The following BFSP2 variants were observed in gnomAD, a reference collection of about 807,000 sequenced individuals.
BFSP2 encodes phakinin.
A neutral mutation model predicts 44.9 loss-of-function variants in BFSP2; 38 were observed. The ratio of observed to expected loss-of-function variants is 0.85; its 90% CI spans 0.65 to 1.11. The LOEUF (loss-of-function observed/expected upper bound fraction) is 1.11, where lower values mean the gene tolerates loss of function less well. Among genes scored for constraint, BFSP2 ranks in the 50% least tolerant of loss-of-function variants. The pLI, the probability that BFSP2 is intolerant of heterozygous loss-of-function variation, is 0.00. For synonymous variants in BFSP2, 197 were observed against 209.9 expected, an observed-to-expected ratio of 0.94 and a Z score of 0.53; for missense variants, 525 against 533.0, an observed-to-expected ratio of 0.99 and a Z score of 0.15.
intron 4 of BFSP2, among the ~76,000 whole-genome samples, chr3:133,464,978 A>G (rs542256726): frequency 1.3e-5 from 2 of 149,910 alleles, no homozygotes; most frequent in South Asian, 2.1e-4. Flanking sequence ...CTACTGAGCT[A>G]TGAGCCACTT....
intron 1 of BFSP2, among the ~76,000 whole-genome samples, chr3:133,430,017 G>T: frequency 6.7e-6 from 1 of 149,648 alleles, no homozygotes; most frequent in Non-Finnish European, 1.5e-5. Context: ...TTGGTTTTTT[G>T]TCCTTGTGAT....
chr3:133,427,402 T>C (rs2073663740), intron 1 of BFSP2, among the ~76,000 whole-genome samples: 1 of 152,224 alleles, frequency 6.6e-6, no homozygotes, highest in Non-Finnish European at 1.5e-5. Flanking sequence ...AGCTCAGCAG[T>C]GATAAATACG....
At chr3:133,471,245 C>A (rs2074158994) in intron 5 of BFSP2, among the ~76,000 whole-genome samples, 1 of 152,104 alleles carries the variant, frequency 6.6e-6, no homozygotes, top group African/African-American at 2.4e-5. Flanking sequence ...GGGAGATGAG[C>A]TAAGAGGCCA....
chr3:133,414,649 G>C (rs193204202), intron 1 of BFSP2, among the ~76,000 whole-genome samples: 8 of 41,802 alleles, frequency 1.9e-4, no homozygotes, highest in Non-Finnish European at 3.0e-4. Flanking sequence ...TCTACTCACC[G>C]CTGTCTCACT....
At chr3:133,441,812 G>A (rs2073847848) in intron 1 of BFSP2, among the ~76,000 whole-genome samples, 1 of 152,186 alleles carries the variant, frequency 6.6e-6, no homozygotes. Flanking sequence ...GATAATACAA[G>A]CTTTGGTAAG....
At chr3:133,402,271 G>C (rs1279548721) in intron 1 of BFSP2, among the ~76,000 whole-genome samples, 1 of 152,216 alleles carries the variant, frequency 6.6e-6, no homozygotes, top group African/African-American at 2.4e-5. Flanking sequence ...ATACTGACTT[G>C]TTCTGGCTCC....
At chr3:133,467,085 G>A in intron 5 of BFSP2, 126 bp downstream of exon 5, 2 of 1,334,712 alleles carry the variant, frequency 1.5e-6, no homozygotes, top group Non-Finnish European at 2.1e-6. Context: ...TTTGAGGCCT[G>A]AAATGTCTTC....
Position 133,475,165 on chromosome 3 carries a change from C to A in BFSP2, c.*193C>A. On this transcript the variant is annotated 3_prime_UTR_variant, in exon 7 of 7. Transcript: ENST00000302334. ...CTGAGTAGTCTGTAGCTTGAGCAAT[C>A]TCCCTTGTCCTCCTTCAAATAAATG... is the stretch of plus-strand genomic sequence containing the variant. 1.4e-6 allele frequency: 1 copy of A among 718,342 alleles called. No homozygotes were observed. The highest frequency in any genetic ancestry group is 2.4e-6 in the Non-Finnish European group (1 of 423,542). 44.5% of individuals were successfully genotyped at this position (718,342 alleles called of 1,614,324 possible).
chr3:133,472,405 A>C lies in BFSP2; in HGVS notation c.1084A>C (p.Asn362His). 6.2e-7 allele frequency: 1 copy of C among 1,614,130 alleles called. No individual in the cohort carries two copies. Among genetic ancestry groups the C allele is most frequent in the Non-Finnish European group, 8.5e-7 (1 of 1,179,998 alleles). The change falls in exon 6 of 7, where the codon AAC (asparagine) becomes CAC (histidine). Residue 362 changes from asparagine to histidine, a missense_variant. Transcript: ENST00000302334. ...GCACTGGCATGACATGGAGCTCCAG[A>C]ACCTGGGCGCTGTGGTCGGCCGGCT... ...AKHWHDMELQ[N>H]LGAVVGRLEA...
intron 1 of BFSP2, among the ~76,000 whole-genome samples, chr3:133,439,948 G>A (rs1277858177): frequency 6.6e-6 from 1 of 151,440 alleles, no homozygotes; most frequent in Non-Finnish European, 1.5e-5. Context: ...GAGAGAGAAA[G>A]CAATGTCACA....
chr3:133,432,606 TG>T (rs1312085590), intron 1 of BFSP2, among the ~76,000 whole-genome samples: 1 of 152,146 alleles, frequency 6.6e-6, no homozygotes, highest in Non-Finnish European at 1.5e-5. Context: ...GCCCCTCCTT[TG>T]AATCTTCTCA....
At chr3:133,449,951 GA>G in intron 3 of BFSP2, among the ~76,000 whole-genome samples, 1 of 102,468 alleles carries the variant, frequency 9.8e-6, no homozygotes, top group Non-Finnish European at 1.9e-5. Flanking sequence ...AAGAGAGAAA[GA>G]GAGAGAGAAA....
intron 5 of BFSP2, among the ~76,000 whole-genome samples, chr3:133,468,107 A>C (rs1445288627): frequency 6.6e-6 from 1 of 152,214 alleles, no homozygotes; most frequent in Non-Finnish European, 1.5e-5. Context: ...TTATTTTGAG[A>C]ACTTGCTATG....
In BFSP2 at chr3:133,472,371, C is replaced by T. The variant is rs1380618813; in HGVS notation, c.1050C>T (p.His350=). ...ALKRGLENTL[H]DAKHWHDMEL... is the part of the protein sequence containing the mutation. ...AACGAGGCCTGGAGAACACCTTGCA[C>T]GATGCCAAGCACTGGCATGACATGG... Residue 350 remains histidine (H), a synonymous_variant, in exon 6 of 7, where the codon CAC becomes CAT. Coordinates refer to ENST00000302334, the MANE Select transcript of BFSP2 (RefSeq NM_003571.4). 7 of 1,613,384 alleles carry T rather than the reference C, an allele frequency of 4.3e-6. No homozygotes were observed. The highest frequency in any genetic ancestry group is 5.9e-6 in the Non-Finnish European group (7 of 1,180,002).
At chr3:133,452,456 C>T (rs2737715) in intron 4 of BFSP2, among the ~76,000 whole-genome samples, 1 of 152,140 alleles carries the variant, frequency 6.6e-6, no homozygotes, top group East Asian at 1.9e-4. Flanking sequence ...ATGACTTCCC[C>T]TCGCCCCACC....
At chr3:133,470,452 G>T (rs2074151906) in intron 5 of BFSP2, among the ~76,000 whole-genome samples, 1 of 152,126 alleles carries the variant, frequency 6.6e-6, no homozygotes, top group Admixed American at 6.5e-5. Context: ...TTTGTTTTTT[G>T]TGTGTTATAT....
intron 4 of BFSP2, among the ~76,000 whole-genome samples, chr3:133,465,988 C>T (rs2074105538): frequency 6.6e-6 from 1 of 152,146 alleles, no homozygotes; most frequent in South Asian, 2.1e-4. Flanking sequence ...TGCAGCCCTT[C>T]CAAACAAGAC....
intron 4 of BFSP2, among the ~76,000 whole-genome samples, chr3:133,457,610 C>T (rs987600054): frequency 4.6e-5 from 7 of 152,128 alleles, no homozygotes; most frequent in African/African-American, 1.7e-4. Flanking sequence ...TGCTTTATGA[C>T]TGTATGATAT....
chr3:133,450,263 C>A, intron 3 of BFSP2, 40 bp from the exon 4 acceptor site: 3 of 1,609,592 alleles, frequency 1.9e-6, no homozygotes, highest in Non-Finnish European at 2.6e-6. Flanking sequence ...CCATTTATTT[C>A]CCCCCGTAAC....
Sources: gnomAD v4.1 joint callset for allele counts (sites outside exome capture counted in the v4.1 genomes callset) on GRCh38, gnomAD v4.1.1 for gene constraint, MANE v1.5 for transcripts, NCBI Gene and HGNC (gene_info 2026-07-23, HGNC 2026-07-21) for gene names.